Variants in TMPRSS11F observed in about 807,000 individuals in gnomAD.
The protein encoded by TMPRSS11F is transmembrane serine protease 11F, also known as transmembrane protease serine 11F.
In TMPRSS11F, 47 loss-of-function variants were observed where a neutral mutation model predicts 60.2. The observed-to-expected ratio is 0.78, with a 90% CI of 0.62 to 1.00. The LOEUF (loss-of-function observed/expected upper bound fraction) is 1.00. Ranked by LOEUF, TMPRSS11F falls within the 50% of genes least tolerant of loss-of-function variation. The pLI, the probability that TMPRSS11F is intolerant of heterozygous loss-of-function variation, is 0.00. For missense variants in TMPRSS11F, 519 were observed against 522.9 expected (o/e 0.99, Z 0.07); for synonymous variants, 166 against 167.3 (o/e 0.99, Z 0.06).
At chr4:68,106,173 T>C (rs7657721) in intron 1 of TMPRSS11F, among the ~76,000 whole-genome samples, 5,430 of 152,230 alleles carry the variant, frequency 0.036, 272 homozygotes, top group African/African-American at 0.11. Flanking sequence ...GTAATTTAAA[T>C]AGAAATAAAA....
intron 1 of TMPRSS11F, among the ~76,000 whole-genome samples, chr4:68,106,963 T>G (rs2109877777): frequency 6.6e-6 from 1 of 152,324 alleles, no homozygotes; most frequent in South Asian, 2.1e-4. Flanking sequence ...ATTACCATCT[T>G]GGAAGCACTA....
chr4:68,083,803 C>G (rs998796782), intron 3 of TMPRSS11F, among the ~76,000 whole-genome samples: 5 of 152,238 alleles, frequency 3.3e-5, no homozygotes, highest in African/African-American at 1.2e-4. Flanking sequence ...AACAATCACC[C>G]TACCTCCCCA....
At chr4:68,062,990 G>A (rs554463900) in intron 8 of TMPRSS11F, 18 of 696,184 alleles carry the variant, frequency 2.6e-5, no homozygotes, top group Non-Finnish European at 4.9e-5. Context: ...CTGACATGCG[G>A]ATGTACTTTC....
intron 3 of TMPRSS11F, among the ~76,000 whole-genome samples, chr4:68,074,900 G>A (rs1192018407): frequency 6.6e-6 from 1 of 152,114 alleles, no homozygotes; most frequent in East Asian, 1.9e-4. Context: ...AGTTCCAGAT[G>A]AGCCTGGGCA....
chr4:68,126,273 T>C (rs967471865), intron 1 of TMPRSS11F, among the ~76,000 whole-genome samples: 1 of 152,172 alleles, frequency 6.6e-6, no homozygotes, highest in African/African-American at 2.4e-5. Context: ...TATATACATA[T>C]GTGTATAATG....
intron 4 of TMPRSS11F, among the ~76,000 whole-genome samples, chr4:68,073,392 TAAAAG>T (rs1216406783): frequency 3.5e-5 from 5 of 144,176 alleles, no homozygotes; most frequent in Non-Finnish European, 6.1e-5. Flanking sequence ...ATTTGAGAGA[TAAAAG>T]AAAAGAAGGA....
At chr4:68,087,965 T>C (rs1376196575) in intron 3 of TMPRSS11F, among the ~76,000 whole-genome samples, 2 of 148,932 alleles carry the variant, frequency 1.3e-5, no homozygotes, top group African/African-American at 2.5e-5. Flanking sequence ...TGAGAATATG[T>C]GGTGTTTGGT....
At chr4:68,070,369 G>A (rs1438390) in intron 5 of TMPRSS11F, among the ~76,000 whole-genome samples, 143,904 of 152,264 alleles carry the variant, frequency 0.95, 68,556 homozygotes, top group East Asian at 1. Context: ...TCCCATCACA[G>A]TTGGTGTTTA....
intron 9 of TMPRSS11F, among the ~76,000 whole-genome samples, chr4:68,055,843 C>A (rs540390623): frequency 3.1e-4 from 47 of 152,206 alleles, no homozygotes; most frequent in African/African-American, 1.1e-3. Context: ...TTAAAGGAAT[C>A]ATTCATCATT....
chr4:68,103,793 A>T (rs1237016373), intron 1 of TMPRSS11F, among the ~76,000 whole-genome samples: 1 of 152,106 alleles, frequency 6.6e-6, no homozygotes, highest in Non-Finnish European at 1.5e-5. Context: ...AGAACATAGG[A>T]TATCTTTCCA....
intron 1 of TMPRSS11F, among the ~76,000 whole-genome samples, chr4:68,119,151 A>G (rs1724578292): frequency 6.6e-6 from 1 of 152,174 alleles, no homozygotes; most frequent in South Asian, 2.1e-4. Context: ...ACATGTGTTA[A>G]GGCCATAGCC....
intron 6 of TMPRSS11F, 41 bp downstream of exon 6, chr4:68,069,928 T>C: frequency 6.6e-7 from 1 of 1,520,714 alleles, no homozygotes; most frequent in East Asian, 2.4e-5. Context: ...CATGATCTTT[T>C]ACTGTGAAAT....
chr4:68,116,712 T>C (rs562361656), intron 1 of TMPRSS11F, among the ~76,000 whole-genome samples: 1 of 152,292 alleles, frequency 6.6e-6, no homozygotes, highest in South Asian at 2.1e-4. Context: ...AACTGATATT[T>C]GACAAGGGTA....
intron 1 of TMPRSS11F, among the ~76,000 whole-genome samples, chr4:68,111,963 G>A (rs1277694699): frequency 1.3e-5 from 2 of 152,050 alleles, no homozygotes; most frequent in Non-Finnish European, 2.9e-5. Context: ...ATCTCATTAT[G>A]TACTTACTTA....
intron 9 of TMPRSS11F, among the ~76,000 whole-genome samples, chr4:68,058,678 G>A (rs956117647): frequency 6.6e-6 from 1 of 152,164 alleles, no homozygotes; most frequent in Non-Finnish European, 1.5e-5. Flanking sequence ...AACAAAGAAA[G>A]GACACAAGGA....
intron 1 of TMPRSS11F, among the ~76,000 whole-genome samples, chr4:68,118,798 TC>T (rs1203284587): frequency 6.6e-6 from 1 of 152,142 alleles, no homozygotes; most frequent in Non-Finnish European, 1.5e-5. Context: ...GGAAATCTTA[TC>T]TAGAGTAAGG....
intron 3 of TMPRSS11F, among the ~76,000 whole-genome samples, chr4:68,078,866 A>C (rs1238626143): frequency 2.6e-5 from 4 of 151,998 alleles, no homozygotes; most frequent in African/African-American, 9.7e-5. Context: ...CAGGGAGAAA[A>C]GGTGATTTTT....
intron 3 of TMPRSS11F, among the ~76,000 whole-genome samples, chr4:68,081,959 G>A (rs1316209689): frequency 1.3e-5 from 2 of 152,270 alleles, no homozygotes; most frequent in African/African-American, 2.4e-5. Context: ...TGTTGGGGGA[G>A]TGGCAAGACG....
chr4:68,115,779 C>G (rs749862671), intron 1 of TMPRSS11F, among the ~76,000 whole-genome samples: 6 of 151,952 alleles, frequency 3.9e-5, no homozygotes, highest in Middle Eastern at 3.2e-3. Flanking sequence ...GCACTGAAAA[C>G]TATGAAATAA....
Sources: allele counts gnomAD v4.1 joint callset (sites outside exome capture counted in the v4.1 genomes callset), GRCh38; gene constraint gnomAD v4.1.1; transcripts MANE v1.5; gene names NCBI Gene and HGNC (gene_info 2026-07-23, HGNC 2026-07-21).